CDKN2C: variants seen among roughly 807,000 people sequenced by gnomAD.
The protein encoded by CDKN2C is cyclin dependent kinase inhibitor 2C, also known as cyclin-dependent kinase 4 inhibitor C.
CDKN2C carries 5 observed loss-of-function variants against 11.0 expected under a neutral mutation model. The observed-to-expected ratio is 0.45, with a 90% confidence interval of 0.24 to 0.95. The LOEUF (loss-of-function observed/expected upper bound fraction) is 0.95, where lower values mean the gene tolerates loss of function less well. Among genes scored for constraint, CDKN2C ranks in the 40% least tolerant of loss-of-function variants. The probability of loss-of-function intolerance (pLI) is 0.21; values close to 1 mark genes in which losing one functional copy is unlikely to be tolerated. For missense variants in CDKN2C, 161 were observed against 211.9 expected, an observed-to-expected ratio of 0.76 and a Z score of 1.49; for synonymous variants, 79 against 88.3, an observed-to-expected ratio of 0.89 and a Z score of 0.59.
intron 1 of CDKN2C, among the ~76,000 whole-genome samples, chr1:50,962,404 T>C (rs577920362): frequency 1.5e-4 from 23 of 152,262 alleles, no homozygotes; most frequent in South Asian, 4.1e-4. Context: ...AATAAATATT[T>C]TTTTAAAAAG....
At chr1:50,970,115 G>A (rs968602428), upstream of CDKN2C, 2 of 545,116 alleles carry the variant, frequency 3.7e-6, no homozygotes, top group Non-Finnish European at 6.6e-6. Context: ...TCTTCATAGG[G>A]GTTAAGCTAA....
intron 1 of CDKN2C, 149 bp downstream of exon 1, chr1:50,970,646 A>C (rs1444756708): frequency 3.5e-6 from 3 of 853,822 alleles, no homozygotes; most frequent in African/African-American, 1.7e-5. Flanking sequence ...CTTTAAGTGG[A>C]TGCAACTTCT....
intron 1 of CDKN2C, among the ~76,000 whole-genome samples, chr1:50,961,127 C>G (rs909341865): frequency 6.6e-6 from 1 of 152,120 alleles, no homozygotes; most frequent in African/African-American, 2.4e-5. Flanking sequence ...CCTCCGCTTT[C>G]TGGGTTCAAG....
rs3176457 is a variant in CDKN2C at position 50,971,201 on chromosome 1, G to C, written c.129+704G>C. On this transcript the variant is annotated intron_variant, in intron 1 of 1. Coordinates refer to ENST00000371761, the MANE Select transcript of CDKN2C (RefSeq NM_078626.3). ...CAATTGACACATGTCCAGCTGCCAA[G>C]TATTGTACCTGATAATTTTTTTCCT... 8.9e-3 allele frequency among the ~76,000 whole-genome samples: 1,360 copies of C among 152,284 alleles called. 21 individuals are homozygous for C. Among genetic ancestry groups the C allele is most frequent in the African/African-American group, 0.03 (1,231 of 41,552 alleles).
chr1:50,974,335 T>C lies in CDKN2C; in HGVS notation c.*65T>C. The C allele has an allele frequency of 1.4e-6, 2 of 1,456,396 alleles. No individual in the cohort carries two copies. Among genetic ancestry groups the C allele is most frequent in the Non-Finnish European group, 1.8e-6 (2 of 1,086,436 alleles). 90.2% of individuals were successfully genotyped at this position (1,456,396 alleles called of 1,614,324 possible). A position where few individuals can be genotyped will look rare whatever the true frequency, so the allele number is the denominator to read the frequency against. On this transcript the variant is annotated 3_prime_UTR_variant, in exon 2 of 2. Transcript: ENST00000371761. ...ATTAACTGAGTAGCTCTCCTGACTT[T>C]TAATGTCATTTGTTAAAATACAGTT...
In CDKN2C at chr1:50,970,305, C is replaced by T. The variant is rs139867286; in HGVS notation, c.-64C>T. ...TGCCATCATGCAGCCTGGTTAGGAG[C>T]AAAGGAAAGGGGAAAAAGAAAAACG... On this transcript the variant is annotated 5_prime_UTR_variant, in exon 1 of 2. Coordinates refer to ENST00000371761, the MANE Select transcript of CDKN2C (RefSeq NM_078626.3). 1,020 of 1,601,408 alleles carry T rather than the reference C, an allele frequency of 6.4e-4. 7 individuals are homozygous for T. In the Middle Eastern group the frequency reaches 9.0e-3, roughly 14 times the overall value.
Position 50,961,759 on chromosome 1 carries a change from C to T in CDKN2C, c.-1976+956C>T, listed in dbSNP as rs530536067. 3.3e-5 allele frequency among the ~76,000 whole-genome samples: 5 copies of T among 152,316 alleles called. No homozygotes were observed. In the South Asian group the frequency reaches 1.0e-3, roughly 32 times the overall value. On this transcript the variant is annotated intron_variant, in intron 1 of 3. Coordinates refer to the CDKN2C transcript ENST00000262662. ...TGTTGCCCAGGCTGGCTTCCAACTC[C>T]TGTGCTCAAGCCATCCTCCCACCTC...
chr1:50,970,938 G>C (rs995664664), intron 1 of CDKN2C, among the ~76,000 whole-genome samples: 1 of 152,138 alleles, frequency 6.6e-6, no homozygotes, highest in Non-Finnish European at 1.5e-5. Flanking sequence ...CTACTGATGA[G>C]GGTGTTTTTC....
chr1:50,972,886 T>A (rs1471373209), intron 1 of CDKN2C, among the ~76,000 whole-genome samples: 1 of 152,186 alleles, frequency 6.6e-6, no homozygotes, highest in Non-Finnish European at 1.5e-5. Flanking sequence ...GATCACCAGT[T>A]GATTATTAAA....
chr1:50,969,743 C>A (rs555778434), upstream of CDKN2C: 5 of 176,780 alleles, frequency 2.8e-5, no homozygotes, highest in Non-Finnish European at 4.9e-5. This position sits in a 1 kb window ranked among gnomAD's most constrained non-coding sequence, Gnocchi z 6.6. Context: ...ATCTTTTAAC[C>A]CTCCGGAGCA....
At chr1:50,971,454 T>G (rs1645379994) in intron 1 of CDKN2C, among the ~76,000 whole-genome samples, 1 of 152,222 alleles carries the variant, frequency 6.6e-6, no homozygotes, top group South Asian at 2.1e-4. Flanking sequence ...AGATATACTA[T>G]TAACAAACAA....
chr1:50,969,970 C>T, upstream of CDKN2C: 1 of 302,710 alleles, frequency 3.3e-6, no homozygotes, highest in Non-Finnish European at 6.3e-6. The surrounding 1 kb of genome is among the most constrained non-coding windows in gnomAD (Gnocchi z 6.6). Context: ...ATCTATAGTC[C>T]CTTGAGTCTC....
chr1:50,968,765 T>C (rs1052606140), upstream of CDKN2C: 2 of 152,098 alleles, frequency 1.3e-5, no homozygotes, highest in African/African-American at 2.4e-5. Flanking sequence ...AGCGCTCAAT[T>C]TTTTTCTTTT....
At chr1:50,973,664 G>A (rs981534779) in intron 1 of CDKN2C, among the ~76,000 whole-genome samples, 1 of 152,006 alleles carries the variant, frequency 6.6e-6, no homozygotes, top group East Asian at 1.9e-4. Context: ...CTACTTTTGG[G>A]CCCATTTAAG....
intron 1 of CDKN2C, among the ~76,000 whole-genome samples, chr1:50,961,676 T>C (rs1248669246): frequency 2.0e-5 from 3 of 152,224 alleles, no homozygotes; most frequent in African/African-American, 7.2e-5. Context: ...TAGGCTTCCC[T>C]TAAGAACTTT....
chr1:50,965,229 G>A (rs1430987126), intron 1 of CDKN2C, among the ~76,000 whole-genome samples: 3 of 151,996 alleles, frequency 2.0e-5, no homozygotes, highest in Non-Finnish European at 4.4e-5. Flanking sequence ...GCCGGGTGCG[G>A]TGGCTCACAC....
At chr1:50,961,167 C>T (rs1645319737) in intron 1 of CDKN2C, among the ~76,000 whole-genome samples, 2 of 152,142 alleles carry the variant, frequency 1.3e-5, no homozygotes, top group Non-Finnish European at 2.9e-5. Context: ...TCCATAGTAG[C>T]TGGGATTACA....
chr1:50,969,227 C>T (rs1341823431), upstream of CDKN2C: 5 of 153,486 alleles, frequency 3.3e-5, no homozygotes, highest in East Asian at 9.5e-4. The surrounding 1 kb of genome is among the most constrained non-coding windows in gnomAD (Gnocchi z 6.6). Flanking sequence ...GGACTCTCCC[C>T]ATCTCCAGAG....
chr1:50,963,287 G>T lies in CDKN2C; in HGVS notation c.-1976+2484G>T, dbSNP rs144780659. ...TGAAAGTTTCTTGAGATTATAAACC[G>T]CTTTATGCCATGTGTTTTTATATTC... On this transcript the variant is annotated intron_variant, in intron 1 of 3. Transcript: ENST00000262662. Among the ~76,000 whole-genome samples the T allele has an allele frequency of 2.0e-3, 301 of 152,228 alleles. 1 individual carries two copies. Among genetic ancestry groups the T allele is most frequent in the African/African-American group, 6.5e-3 (271 of 41,544 alleles).
Sources: allele counts gnomAD v4.1 joint callset (sites outside exome capture counted in the v4.1 genomes callset), GRCh38; gene constraint gnomAD v4.1.1; non-coding constraint Gnocchi (gnomAD v3.1); transcripts MANE v1.5; gene names NCBI Gene and HGNC (gene_info 2026-07-23, HGNC 2026-07-21).